TENT2: variants seen among roughly 807,000 people sequenced by gnomAD.
TENT2 encodes poly(A) RNA polymerase GLD2.
TENT2 carries 44 observed loss-of-function variants against 72.2 expected under a neutral mutation model. The ratio of observed to expected loss-of-function variants is 0.61; its 90% confidence interval spans 0.48 to 0.78. The LOEUF (loss-of-function observed/expected upper bound fraction) is 0.78, where lower values mean the gene tolerates loss of function less well. Among genes scored for constraint, TENT2 ranks in the 30% least tolerant of loss-of-function variants. TENT2 has a pLI of 0.00. For synonymous variants in TENT2, 212 were observed against 192.5 expected, an observed-to-expected ratio of 1.10 and a Z score of -0.84; for missense variants, 541 against 569.6, an observed-to-expected ratio of 0.95 and a Z score of 0.51.
At chr5:79,684,103 T>A (rs1449570279) in intron 14 of TENT2, among the ~76,000 whole-genome samples, 1 of 152,134 alleles carries the variant, frequency 6.6e-6, no homozygotes, top group South Asian at 2.1e-4. Context: ...ACCAATACTT[T>A]TAGACAATCG....
chr5:79,614,956 A>G (rs994817504), intron 1 of TENT2: 30 of 152,326 alleles, frequency 2.0e-4, no homozygotes, highest in African/African-American at 6.7e-4. Context: ...ATTGGTGAGC[A>G]TAGAACGAAT....
chr5:79,633,331 C>T (rs1777104808), intron 4 of TENT2, among the ~76,000 whole-genome samples: 1 of 151,098 alleles, frequency 6.6e-6, no homozygotes, highest in South Asian at 2.1e-4. Flanking sequence ...TTATTTCTCC[C>T]ATTTTGAAAG....
chr5:79,672,429 C>A (rs1294215860), intron 12 of TENT2, among the ~76,000 whole-genome samples: 2 of 152,200 alleles, frequency 1.3e-5, no homozygotes, highest in Non-Finnish European at 2.9e-5. Context: ...TTCTTGTACT[C>A]ATTAACAATC....
At chr5:79,639,891 A>G (rs1357257851) in intron 4 of TENT2, among the ~76,000 whole-genome samples, 1 of 152,212 alleles carries the variant, frequency 6.6e-6, no homozygotes, top group Non-Finnish European at 1.5e-5. Context: ...AGCCCATTTC[A>G]GATAGGGAAA....
chr5:79,625,929 A>G (rs1241789191), intron 4 of TENT2, among the ~76,000 whole-genome samples: 1 of 151,458 alleles, frequency 6.6e-6, no homozygotes, highest in Non-Finnish European at 1.5e-5. Flanking sequence ...CCCGGGTTCA[A>G]GCGATTCTCC....
intron 12 of TENT2, among the ~76,000 whole-genome samples, chr5:79,673,298 G>A (rs1378639148): frequency 1.3e-5 from 2 of 152,080 alleles, no homozygotes; most frequent in African/African-American, 4.8e-5. Flanking sequence ...TTTTTAACTT[G>A]ATGTGATCCC....
intron 11 of TENT2, among the ~76,000 whole-genome samples, chr5:79,664,227 T>C (rs1025414623): frequency 3.9e-5 from 6 of 152,104 alleles, no homozygotes; most frequent in African/African-American, 1.2e-4. Context: ...ATATAGCAAC[T>C]TTTTCATTTT....
chr5:79,624,222 T>TA (rs1286571788), intron 4 of TENT2, among the ~76,000 whole-genome samples: 1 of 152,154 alleles, frequency 6.6e-6, no homozygotes, highest in African/African-American at 2.4e-5. Context: ...TCTTGAGAAA[T>TA]AAGACATTTG....
intron 12 of TENT2, among the ~76,000 whole-genome samples, chr5:79,669,609 C>T (rs1219184554): frequency 6.6e-6 from 1 of 152,024 alleles, no homozygotes; most frequent in East Asian, 1.9e-4. Flanking sequence ...GAGTTACTTG[C>T]AGCTCTTCTG....
At chr5:79,667,628 A>G (rs1326434857) in intron 11 of TENT2, among the ~76,000 whole-genome samples, 2 of 152,188 alleles carry the variant, frequency 1.3e-5, no homozygotes, top group Admixed American at 1.3e-4. Context: ...GTTGGAATAG[A>G]ATTTTTATTC....
chr5:79,683,330 C>A (rs528390250), intron 14 of TENT2, among the ~76,000 whole-genome samples: 7 of 151,340 alleles, frequency 4.6e-5, no homozygotes, highest in African/African-American at 1.5e-4. Flanking sequence ...CACACACACA[C>A]ACACACACAC....
At chr5:79,678,341 A>G (rs565410052) in intron 12 of TENT2, among the ~76,000 whole-genome samples, 1 of 152,286 alleles carries the variant, frequency 6.6e-6, no homozygotes, top group African/African-American at 2.4e-5. Context: ...TTTGATAAAT[A>G]GAGGAGAAGT....
intron 1 of TENT2, among the ~76,000 whole-genome samples, chr5:79,613,512 T>A (rs1466348210): frequency 1.3e-5 from 2 of 152,218 alleles, no homozygotes; most frequent in Non-Finnish European, 2.9e-5. Context: ...TCATATTGTA[T>A]GGTTCAGTAC....
chr5:79,682,446 ATTTTT>A (rs397961608), intron 14 of TENT2, among the ~76,000 whole-genome samples: 4 of 136,284 alleles, frequency 2.9e-5, no homozygotes, highest in African/African-American at 1.1e-4. Context: ...CACCCAGCTA[ATTTTT>A]TTTTTTTTTT....
chr5:79,642,241 A>T (rs1785031025), intron 6 of TENT2, among the ~76,000 whole-genome samples: 1 of 152,032 alleles, frequency 6.6e-6, no homozygotes, highest in South Asian at 2.1e-4. Flanking sequence ...TCAGAAAGAG[A>T]TTTATTCCAG....
At chr5:79,676,702 A>G (rs1817607931) in intron 12 of TENT2, among the ~76,000 whole-genome samples, 1 of 152,202 alleles carries the variant, frequency 6.6e-6, no homozygotes, top group South Asian at 2.1e-4. Flanking sequence ...TCTCAGTTTT[A>G]TATTTAAAAG....
rs780161442 is a variant in TENT2 at position 79,667,931 on chromosome 5, C to CT, written c.1072-947dup. Among the ~76,000 whole-genome samples, 771 of 130,332 alleles carry CT rather than the reference C, an allele frequency of 5.9e-3. 4 individuals carry two copies. The highest frequency in any genetic ancestry group is 0.017 in the African/African-American group (622 of 36,466). The allele number at this position is 130,332 out of a possible 152,430, so 85.5% of individuals were successfully genotyped here. On this transcript the variant is annotated intron_variant, in intron 11 of 14. Transcript: ENST00000453514. ...GTCATTCTGCTGCCTTAACTAATTGCTTTTTTTTTTTTTTAACGAAAAAAA... is the reference window on the plus strand; with the variant it reads ...GTCATTCTGCTGCCTTAACTAATTGCTTTTTTTTTTTTTTTAACGAAAAAAA...
At chr5:79,643,541 C>T (rs1786146413) in intron 7 of TENT2, among the ~76,000 whole-genome samples, 1 of 152,152 alleles carries the variant, frequency 6.6e-6, no homozygotes, top group African/African-American at 2.4e-5. Context: ...TGGAAAGACA[C>T]TTGTCCATTT....
At chr5:79,666,024 C>G (rs555337479) in intron 11 of TENT2, among the ~76,000 whole-genome samples, 1 of 150,080 alleles carries the variant, frequency 6.7e-6, no homozygotes, top group Admixed American at 6.6e-5. Flanking sequence ...TGCTCTGTTA[C>G]CCAGGCTGGG....
Sources: gnomAD v4.1 joint callset for allele counts (sites outside exome capture counted in the v4.1 genomes callset) on GRCh38, gnomAD v4.1.1 for gene constraint, MANE v1.5 for transcripts, NCBI Gene and HGNC (gene_info 2026-07-23, HGNC 2026-07-21) for gene names.